The following ATAD1 variants were observed in gnomAD, a reference collection of about 807,000 sequenced individuals.
The protein encoded by ATAD1 is ATPase family AAA domain containing 1.
In ATAD1, 18 loss-of-function variants were observed where a neutral mutation model predicts 42.7. The ratio of observed to expected loss-of-function variants is 0.42; its 90% CI spans 0.29 to 0.63. ATAD1 has a LOEUF of 0.63. Among genes scored for constraint, ATAD1 ranks in the 20% least tolerant of loss-of-function variants. The pLI is 0.19. For missense variants in ATAD1, 294 were observed against 440.4 expected (o/e 0.67, Z 2.98); for synonymous variants, 132 against 143.1 (o/e 0.92, Z 0.55).
intron 8 of ATAD1, among the ~76,000 whole-genome samples, chr10:87,762,889 T>A (rs2131776474): frequency 8.5e-6 from 1 of 117,354 alleles, no homozygotes; most frequent in South Asian, 3.8e-4. Context: ...ATCAACATGG[T>A]GAAACCCCGT....
intron 2 of ATAD1, among the ~76,000 whole-genome samples, chr10:87,808,809 T>A (rs2132037282): frequency 6.6e-6 from 1 of 152,352 alleles, no homozygotes; most frequent in East Asian, 1.9e-4. Context: ...GAATTTAACT[T>A]GCTGACATTT....
intron 2 of ATAD1, among the ~76,000 whole-genome samples, chr10:87,799,658 C>A (rs1184494308): frequency 1.3e-5 from 2 of 151,584 alleles, no homozygotes; most frequent in Admixed American, 6.6e-5. Flanking sequence ...CATAAATAGT[C>A]TAGGTAAACA....
intron 8 of ATAD1, among the ~76,000 whole-genome samples, chr10:87,764,621 C>T (rs374552245): frequency 2.4e-4 from 37 of 152,146 alleles, no homozygotes; most frequent in East Asian, 7.7e-4. Flanking sequence ...TTATGTTTCT[C>T]CTGATGGAAG....
At chr10:87,836,255 C>T (rs1589580500) in intron 1 of ATAD1, among the ~76,000 whole-genome samples, 2 of 152,000 alleles carry the variant, frequency 1.3e-5, no homozygotes, top group Non-Finnish European at 2.9e-5. Context: ...GCTTCCGAGT[C>T]GCTAAGACTA....
intron 7 of ATAD1, among the ~76,000 whole-genome samples, chr10:87,770,596 T>C (rs557023520): frequency 4.5e-4 from 69 of 152,318 alleles, no homozygotes; most frequent in African/African-American, 1.7e-3. Context: ...ATAGAACAAT[T>C]CTTCAAGCCA....
intron 5 of ATAD1, among the ~76,000 whole-genome samples, chr10:87,782,870 C>T (rs887506985): frequency 2.0e-5 from 3 of 151,812 alleles, no homozygotes; most frequent in South Asian, 2.1e-4. Flanking sequence ...TGGTGGTACA[C>T]GCCTGTATTC....
At chr10:87,782,137 G>A (rs1177608449) in intron 5 of ATAD1, among the ~76,000 whole-genome samples, 1 of 152,140 alleles carries the variant, frequency 6.6e-6, no homozygotes, top group Non-Finnish European at 1.5e-5. Flanking sequence ...ACAGCAACTA[G>A]AGAGAAAGGA....
upstream of ATAD1, among the ~76,000 whole-genome samples, chr10:87,820,338 A>G (rs1315099333): frequency 6.6e-6 from 1 of 152,118 alleles, no homozygotes; most frequent in Non-Finnish European, 1.5e-5. Context: ...ATAGTAATGG[A>G]TTTTCATTCA....
intron 2 of ATAD1, among the ~76,000 whole-genome samples, chr10:87,804,370 T>C (rs1274443204): frequency 6.6e-6 from 1 of 152,156 alleles, no homozygotes; most frequent in Non-Finnish European, 1.5e-5. Context: ...AATTATATAG[T>C]CTAATTATTA....
chr10:87,779,754 T>C (rs573580523), intron 5 of ATAD1, among the ~76,000 whole-genome samples: 2 of 152,214 alleles, frequency 1.3e-5, no homozygotes, highest in East Asian at 3.8e-4. Context: ...ATGCAAATTT[T>C]AAAAATGGGA....
chr10:87,831,270 A>G (rs1042787641), intron 1 of ATAD1, among the ~76,000 whole-genome samples: 1 of 146,900 alleles, frequency 6.8e-6, no homozygotes, highest in East Asian at 1.9e-4. Context: ...GTGACATAGG[A>G]TTCACTAACT....
intron 6 of ATAD1, among the ~76,000 whole-genome samples, chr10:87,774,000 G>T (rs549494747): frequency 1.3e-5 from 2 of 152,176 alleles, no homozygotes; most frequent in African/African-American, 4.8e-5. Flanking sequence ...ATTTATCTAT[G>T]TTATGTTTTT....
At chr10:87,770,022 T>C (rs1031224820) in intron 7 of ATAD1, among the ~76,000 whole-genome samples, 2 of 152,196 alleles carry the variant, frequency 1.3e-5, no homozygotes, top group African/African-American at 2.4e-5. Flanking sequence ...CATTGATTCA[T>C]TGGGTAAATT....
At chr10:87,813,368 A>T (rs1006506023) in intron 2 of ATAD1, among the ~76,000 whole-genome samples, 55 of 147,542 alleles carry the variant, frequency 3.7e-4, no homozygotes, top group Non-Finnish European at 4.6e-4. Context: ...TTTTTTTTTT[A>T]AATCTACCCT....
intron 1 of ATAD1, among the ~76,000 whole-genome samples, chr10:87,815,230 T>C (rs1857362646): frequency 6.6e-6 from 1 of 152,046 alleles, no homozygotes; most frequent in Non-Finnish European, 1.5e-5. Context: ...TGGAAAAATC[T>C]TGAACTGAGA....
At chr10:87,818,317 T>A, upstream of ATAD1, 1 of 946,968 alleles carries the variant, frequency 1.1e-6, no homozygotes, top group South Asian at 4.9e-5. Context: ...GGAGGGGGCG[T>A]GCTCCCAGGC....
chr10:87,790,216 A>T (rs572123527), intron 4 of ATAD1, 94 bp downstream of exon 4: 1 of 1,435,340 alleles, frequency 7.0e-7, no homozygotes, highest in African/African-American at 1.4e-5. Context: ...CCTCTTGAGA[A>T]TCTGATTTCA....
chr10:87,783,572 T>G (rs1320500099), intron 5 of ATAD1, among the ~76,000 whole-genome samples: 1 of 151,628 alleles, frequency 6.6e-6, no homozygotes, highest in African/African-American at 2.4e-5. Context: ...TTAACAATAA[T>G]AAAATATAAT....
intron 2 of ATAD1, among the ~76,000 whole-genome samples, chr10:87,812,132 T>C (rs1857213433): frequency 6.6e-6 from 1 of 152,236 alleles, no homozygotes; most frequent in Non-Finnish European, 1.5e-5. Flanking sequence ...CCAACAGATC[T>C]TGCTTCTAGT....
Sources: allele counts gnomAD v4.1 joint callset (sites outside exome capture counted in the v4.1 genomes callset), GRCh38; gene constraint gnomAD v4.1.1; transcripts MANE v1.5; gene names NCBI Gene and HGNC (gene_info 2026-07-23, HGNC 2026-07-21).